The following SLX9 variants were observed in gnomAD, a reference collection of about 807,000 sequenced individuals.
SLX9 encodes SLX9 ribosome biogenesis factor, also known as ribosome biogenesis protein SLX9 homolog.
A neutral mutation model predicts 20.8 loss-of-function variants in SLX9; 19 were observed. That is an observed-to-expected ratio of 0.91 (90% CI 0.64 to 1.34). The LOEUF is 1.34. SLX9 is among the 40% of genes most tolerant of loss of function. The probability of loss-of-function intolerance (pLI) is 0.00; values close to 1 mark genes in which losing one functional copy is unlikely to be tolerated. For missense variants in SLX9, 299 were observed against 322.2 expected (o/e 0.93, Z 0.55); for synonymous variants, 113 against 137.1 (o/e 0.82, Z 1.23).
chr21:44,970,098 G>GT (rs544720688), intron 4 of SLX9, among the ~76,000 whole-genome samples: 2,009 of 152,276 alleles, frequency 0.013, 41 homozygotes, highest in African/African-American at 0.046. Flanking sequence ...GCTGGGTTGA[G>GT]ACCCCCCCTC....
intron 4 of SLX9, among the ~76,000 whole-genome samples, chr21:44,972,558 A>T (rs1008857591): frequency 6.6e-6 from 1 of 151,782 alleles, no homozygotes; most frequent in Non-Finnish European, 1.5e-5. Flanking sequence ...GCTCGTTGGC[A>T]CCCCCCGCAG....
At chr21:44,945,419 T>G (rs1367802245) in intron 2 of SLX9, among the ~76,000 whole-genome samples, 1 of 152,200 alleles carries the variant, frequency 6.6e-6, no homozygotes, top group Non-Finnish European at 1.5e-5. Context: ...GGCCTGAGCT[T>G]CTCAGAGCTC....
In SLX9 at chr21:44,940,130, G is replaced by A. The variant is rs1016435396; in HGVS notation, c.73G>A (p.Gly25Ser). The A allele has an allele frequency of 8.1e-6, 11 of 1,358,654 alleles. No homozygotes were observed. The highest frequency in any genetic ancestry group is 6.8e-5 in the Admixed American group (2 of 29,624). The allele number at this position is 1,358,654 out of a possible 1,614,324, so 84.2% of individuals were successfully genotyped here. ...AVRPKGEAAP[G>S]PAPPAPEATP... is the part of the protein sequence containing the mutation. ...GAGGCCGAAAGGGGAGGCCGCCCCC[G>A]GCCCCGCGCCCCCTGCCCCGGAGGC... The change falls in exon 1 of 6, where the codon GGC (glycine) becomes AGC (serine). Residue 25 changes from glycine to serine, a missense_variant. Transcript: ENST00000291634.
At chr21:44,952,900 C>T (rs749912955) in intron 2 of SLX9, among the ~76,000 whole-genome samples, 5 of 152,200 alleles carry the variant, frequency 3.3e-5, no homozygotes, top group Admixed American at 3.3e-4. Flanking sequence ...CTGTCCTCAT[C>T]GACAGCTGGG....
chr21:44,970,335 G>A (rs897232487), intron 4 of SLX9, among the ~76,000 whole-genome samples: 5 of 151,208 alleles, frequency 3.3e-5, no homozygotes, highest in African/African-American at 4.9e-5. Flanking sequence ...TGCCGAAACT[G>A]TTCCAGCATT....
chr21:44,951,900 T>A (rs1462975896), intron 2 of SLX9, among the ~76,000 whole-genome samples: 1 of 148,650 alleles, frequency 6.7e-6, no homozygotes. Flanking sequence ...CATAGAACTT[T>A]GAGCACAGAG....
intron 3 of SLX9, among the ~76,000 whole-genome samples, chr21:44,962,058 T>C (rs1457957207): frequency 6.6e-6 from 1 of 152,236 alleles, no homozygotes; most frequent in Non-Finnish European, 1.5e-5. Context: ...TTTCTGTCCA[T>C]CTACCAACAT....
At chr21:44,973,339 T>C in intron 5 of SLX9, 74 bp downstream of exon 5, 2 of 1,429,168 alleles carry the variant, frequency 1.4e-6, no homozygotes, top group South Asian at 2.4e-5. Flanking sequence ...CTCCAGGGGT[T>C]CAGCTCCTAT....
At chr21:44,972,028 G>A (rs539396250) in intron 4 of SLX9, among the ~76,000 whole-genome samples, 3 of 152,280 alleles carry the variant, frequency 2.0e-5, no homozygotes, top group South Asian at 2.1e-4. Flanking sequence ...AAAAGAAAGC[G>A]GGTGCTGAGG....
In SLX9 at chr21:44,958,361, C is replaced by G. The variant is rs373529774; in HGVS notation, c.284-1739C>G. On this transcript the variant is annotated intron_variant, in intron 2 of 5. Coordinates refer to ENST00000291634, the MANE Select transcript of SLX9 (RefSeq NM_058190.4). ...CTCCAAGCTGGCATTTCTGCTGCAC[C>G]CACGGGACGCTCCTGTGCTTCCGCA... The G allele has an allele frequency of 5.9e-5, 9 of 152,598 alleles. No individual in the cohort carries two copies. The East Asian group carries it at 9.6e-4, about 16-fold the overall frequency. The allele number at this position is 152,598 out of a possible 1,614,324, so 9.5% of individuals were successfully genotyped here.
rs1180150057 is a variant in SLX9, at chr21:44,967,024, C to T, written c.353-10C>T. On this transcript the variant is annotated splice_polypyrimidine_tract_variant and intron_variant, in intron 3 of 5. Transcript: ENST00000291634. ...CTTGTTTGCCTCTAACGTCGTTTCT[C>T]CTTCCTTAGAAATCGAAGCCATAAA... The T allele has an allele frequency of 1.2e-6, 2 of 1,605,834 alleles. No homozygotes were observed. The highest frequency in any genetic ancestry group is 2.2e-5 in the South Asian group (2 of 90,140).
Position 44,973,242 on chromosome 21 carries a change from C to T in SLX9, c.546C>T (p.Ser182=), listed in dbSNP as rs369077251. Residue 182 remains serine, a synonymous_variant, in exon 5 of 6, where the codon AGC becomes AGT. Transcript: ENST00000291634. ...GGCCCTCAGAGCTCAGCCGGATGAG[C>T]GCAGCCCAGAGACAGCAGCTTCTGT... ...KPRPSELSRM[S]AAQRQQLLEE... 3.8e-5 allele frequency: 62 copies of T among 1,612,628 alleles called. No homozygotes were observed. The highest frequency in any genetic ancestry group is 1.8e-4 in the Middle Eastern group (1 of 5,658).
intron 2 of SLX9, among the ~76,000 whole-genome samples, chr21:44,948,893 T>C (rs954890178): frequency 1.3e-5 from 2 of 152,088 alleles, no homozygotes; most frequent in Admixed American, 6.5e-5. Context: ...AGCGGTGAAG[T>C]GTGTGTGTGA....
intron 4 of SLX9, among the ~76,000 whole-genome samples, chr21:44,970,878 C>T (rs1039802971): frequency 6.6e-6 from 1 of 152,216 alleles, no homozygotes; most frequent in Non-Finnish European, 1.5e-5. Context: ...CCTCAGTCCC[C>T]TCAGTCCCCT....
intron 1 of SLX9, among the ~76,000 whole-genome samples, chr21:44,942,478 G>A (rs781364474): frequency 2.0e-5 from 3 of 152,214 alleles, no homozygotes; most frequent in Non-Finnish European, 4.4e-5. Context: ...AGCACCTGGG[G>A]AGTTGCAGTC....
At chr21:44,951,333 G>C (rs2084752997) in intron 2 of SLX9, among the ~76,000 whole-genome samples, 1 of 152,142 alleles carries the variant, frequency 6.6e-6, no homozygotes, top group Non-Finnish European at 1.5e-5. Context: ...CAGGGAAAGT[G>C]GGCATGGATG....
chr21:44,970,810 G>A (rs941523209), intron 4 of SLX9, among the ~76,000 whole-genome samples: 4 of 152,186 alleles, frequency 2.6e-5, no homozygotes, highest in African/African-American at 9.7e-5. Flanking sequence ...GCTTGGGCTG[G>A]CAGAGCTGTC....
intron 5 of SLX9, among the ~76,000 whole-genome samples, chr21:44,974,436 T>TA (rs1349681980): frequency 6.6e-6 from 1 of 152,246 alleles, no homozygotes; most frequent in Non-Finnish European, 1.5e-5. Context: ...ATTATGCACT[T>TA]ACTGGATCTC....
At position 44,976,243 on chromosome 21, in the gene SLX9, C is replaced by T. The variant is rs547155493; in HGVS notation, c.570-437C>T. Among the ~76,000 whole-genome samples the T allele has an allele frequency of 3.5e-3, 535 of 152,354 alleles. 4 individuals are homozygous for T. Among genetic ancestry groups the T allele is most frequent in the Non-Finnish European group, 4.3e-3 (293 of 68,038 alleles). On this transcript the variant is annotated intron_variant, in intron 5 of 5. Coordinates refer to ENST00000291634, the MANE Select transcript of SLX9 (RefSeq NM_058190.4). Reference sequence around the variant, plus strand: ...CCGTGGCACCCATCTGGGGCTGCCGCGCCCCACTCTGCTGCAGGCCTCTGC... The same window carrying T: ...CCGTGGCACCCATCTGGGGCTGCCGTGCCCCACTCTGCTGCAGGCCTCTGC...
Sources: gnomAD v4.1 joint callset for allele counts (sites outside exome capture counted in the v4.1 genomes callset) on GRCh38, gnomAD v4.1.1 for gene constraint, MANE v1.5 for transcripts, NCBI Gene and HGNC (gene_info 2026-07-23, HGNC 2026-07-21) for gene names.